The following NTM variants were observed in gnomAD, a reference collection of about 807,000 sequenced individuals.
NTM encodes IgLON family member 2.
In NTM, 13 loss-of-function variants were observed where a neutral mutation model predicts 42.1. That is an observed-to-expected ratio of 0.31 (90% CI 0.20 to 0.49). The LOEUF (loss-of-function observed/expected upper bound fraction) is 0.49, where lower values mean the gene tolerates loss of function less well. Among genes scored for constraint, NTM ranks in the 20% least tolerant of loss-of-function variants. The pLI is 0.99. For synonymous variants in NTM, 187 were observed against 179.2 expected (o/e 1.04, Z -0.35); for missense variants, 373 against 452.8 (o/e 0.82, Z 1.60).
chr11:132,192,374 G>GA (rs1175296360), intron 3 of NTM, among the ~76,000 whole-genome samples: 1 of 152,080 alleles, frequency 6.6e-6, no homozygotes, highest in African/African-American at 2.4e-5. Context: ...CATCCTAAAA[G>GA]AAAAAAATTC....
In NTM at chr11:131,789,507, AAGAAGAAGAAGAAG is replaced by A. The variant is rs2090151705; in HGVS notation, c.83-122055_83-122042del. On this transcript the variant is annotated intron_variant, in intron 1 of 8. Coordinates refer to ENST00000683400, the MANE Select transcript of NTM (RefSeq NM_001352005.2). ...AAGAAGAAGAGGAAAGAAGAAGAAG[AAGAAGAAGAAGAAG>A]AAGAAGAAGAAGAAGAAGAAGAAGA... Among the ~76,000 whole-genome samples, 2 of 11,062 alleles carry A rather than the reference AAGAAGAAGAAGAAG, an allele frequency of 1.8e-4. 1 individual carries two copies. The highest frequency in any genetic ancestry group is 8.5e-4 in the African/African-American group (2 of 2,340). The allele number at this position is 11,062 out of a possible 152,430, so 7.3% of individuals were successfully genotyped here. A position where few individuals can be genotyped will look rare whatever the true frequency, so the allele number is the denominator to read the frequency against.
rs182196770 is a variant in NTM at position 132,004,586 on chromosome 11, T to G, written c.167+92938T>G. Among the ~76,000 whole-genome samples, 802 of 140,420 alleles carry G rather than the reference T, an allele frequency of 5.7e-3. 3 individuals are homozygous for G. Among genetic ancestry groups the G allele is most frequent in the South Asian group, 0.011 (48 of 4,426 alleles). The allele number at this position is 140,420 out of a possible 152,430, so 92.1% of individuals were successfully genotyped here. On this transcript the variant is annotated intron_variant, in intron 2 of 8. Transcript: ENST00000683400. ...GAAATCTTATATGGTTCCAAAGAAGTTTCTCTCTCTTTCTCTCTTTCTCTC... is the reference window on the plus strand; with the variant it reads ...GAAATCTTATATGGTTCCAAAGAAGGTTCTCTCTCTTTCTCTCTTTCTCTC...
At chr11:131,835,648 T>C (rs745409609) in intron 1 of NTM, among the ~76,000 whole-genome samples, 20 of 152,148 alleles carry the variant, frequency 1.3e-4, no homozygotes, top group Non-Finnish European at 2.9e-5. Flanking sequence ...TGAAACCTAA[T>C]TGGTACAAAC....
At chr11:132,032,996 T>C (rs2076108352) in intron 2 of NTM, among the ~76,000 whole-genome samples, 1 of 152,198 alleles carries the variant, frequency 6.6e-6, no homozygotes, top group South Asian at 2.1e-4. Flanking sequence ...TAATTTGGAT[T>C]AATGAACCCA....
At chr11:132,140,848 A>C (rs2068952398) in intron 2 of NTM, among the ~76,000 whole-genome samples, 1 of 152,162 alleles carries the variant, frequency 6.6e-6, no homozygotes, top group Non-Finnish European at 1.5e-5. Context: ...GCACAAGCCG[A>C]ATGCTCAGAG....
At chr11:132,202,542 T>G (rs1401864889) in intron 3 of NTM, among the ~76,000 whole-genome samples, 1 of 152,180 alleles carries the variant, frequency 6.6e-6, no homozygotes, top group East Asian at 1.9e-4. Context: ...ACACCCCTTA[T>G]GTTTCCATGT....
Position 132,307,216 on chromosome 11 carries a change from C to CGT in NTM, c.527-462_527-461dup, listed in dbSNP as rs989637654. On this transcript the variant is annotated intron_variant, in intron 4 of 8. Coordinates refer to ENST00000683400, the MANE Select transcript of NTM (RefSeq NM_001352005.2). The stretch of plus-strand genomic sequence containing the variant: ...GTGTTTCTGCTACCTTTGTGATGCA[C>CGT]GTGTGTGTGTGTATGTGTATGTAGC... Among the ~76,000 whole-genome samples, 5 of 151,934 alleles carry CGT rather than the reference C, an allele frequency of 3.3e-5. No homozygotes were observed. In the East Asian group the frequency reaches 7.8e-4, roughly 24 times the overall value.
Position 132,025,641 on chromosome 11 carries a change from G to A in NTM, c.167+113993G>A, listed in dbSNP as rs191703334. Among the ~76,000 whole-genome samples the A allele has an allele frequency of 5.3e-5, 8 of 152,264 alleles. No individual in the cohort carries two copies. The East Asian group carries it at 1.5e-3, about 29-fold the overall frequency. ...TCCACTGTGACTACCCACTGGGATTGCCTGGGGAGCTTTGGAATGTTCTGA... is the reference window on the plus strand; with the variant it reads ...TCCACTGTGACTACCCACTGGGATTACCTGGGGAGCTTTGGAATGTTCTGA... On this transcript the variant is annotated intron_variant, in intron 2 of 8. Transcript: ENST00000683400.
intron 2 of NTM, among the ~76,000 whole-genome samples, chr11:132,056,003 G>A (rs571488416): frequency 6.6e-6 from 1 of 152,318 alleles, no homozygotes; most frequent in Non-Finnish European, 1.5e-5. Context: ...TGGTTCCTGA[G>A]GAGGAAGGCA....
At chr11:131,679,227 C>T (rs2695814) in intron 1 of NTM, among the ~76,000 whole-genome samples, 112,536 of 151,848 alleles carry the variant, frequency 0.74, 41,871 homozygotes, top group East Asian at 0.8. Context: ...CTTCACCCAT[C>T]TCCTCCCCTG....
chr11:131,608,610 A>G (rs1216573718), intron 1 of NTM, among the ~76,000 whole-genome samples: 1 of 139,920 alleles, frequency 7.1e-6, no homozygotes, highest in Non-Finnish European at 1.6e-5. Context: ...ACGGCCCTCG[A>G]TTCTAGGCCT....
intron 2 of NTM, among the ~76,000 whole-genome samples, chr11:131,995,995 A>G (rs1012195269): frequency 5.9e-5 from 9 of 152,154 alleles, no homozygotes; most frequent in African/African-American, 1.2e-4. Flanking sequence ...TTCCTGAGAA[A>G]GGAACTCAGA....
At chr11:131,567,207 G>C (rs2056981800) in intron 1 of NTM, among the ~76,000 whole-genome samples, 1 of 152,096 alleles carries the variant, frequency 6.6e-6, no homozygotes, top group South Asian at 2.1e-4. Context: ...AAAAACCCTA[G>C]AGGCCGGGCA....
intron 1 of NTM, among the ~76,000 whole-genome samples, chr11:131,849,974 T>C (rs961273677): frequency 6.8e-6 from 1 of 146,674 alleles, no homozygotes; most frequent in Non-Finnish European, 1.5e-5. Flanking sequence ...AGTATAATAA[T>C]AATAATAATA....
At chr11:131,629,311 A>C (rs151262117) in intron 1 of NTM, among the ~76,000 whole-genome samples, 1 of 152,196 alleles carries the variant, frequency 6.6e-6, no homozygotes, top group Non-Finnish European at 1.5e-5. Context: ...TCTTAATCTG[A>C]TTATGTCCAG....
intron 3 of NTM, among the ~76,000 whole-genome samples, chr11:132,178,285 T>C (rs2077096584): frequency 6.6e-6 from 1 of 152,174 alleles, no homozygotes; most frequent in Non-Finnish European, 1.5e-5. Flanking sequence ...TTTAATAATA[T>C]GTAAGTTATT....
intron 1 of NTM, among the ~76,000 whole-genome samples, chr11:131,659,328 C>G (rs558936742): frequency 3.3e-5 from 5 of 152,292 alleles, no homozygotes; most frequent in African/African-American, 1.2e-4. Flanking sequence ...TGACCACATC[C>G]TAGTGTGCAG....
chr11:131,935,882 G>A (rs1374920327), intron 2 of NTM, among the ~76,000 whole-genome samples: 2 of 152,170 alleles, frequency 1.3e-5, no homozygotes, highest in Non-Finnish European at 2.9e-5. Context: ...TAATAAAATA[G>A]TGGCATTCAC....
At chr11:131,454,964 G>T (rs1479782565) in intron 1 of NTM, among the ~76,000 whole-genome samples, 3 of 152,098 alleles carry the variant, frequency 2.0e-5, no homozygotes, top group Admixed American at 2.0e-4. Context: ...TAGGGAGGGG[G>T]GAAGACATCA....
Sources: gnomAD v4.1 joint callset for allele counts (sites outside exome capture counted in the v4.1 genomes callset) on GRCh38, gnomAD v4.1.1 for gene constraint, MANE v1.5 for transcripts, NCBI Gene and HGNC (gene_info 2026-07-23, HGNC 2026-07-21) for gene names.